The following BANK1 variants were observed in gnomAD, a reference collection of about 807,000 sequenced individuals.
BANK1 encodes the protein B-cell scaffold protein with ankyrin repeats.
Under a neutral mutation model 94.5 loss-of-function variants are expected in BANK1, and 95 were observed. The ratio of observed to expected loss-of-function variants is 1.00; its 90% CI spans 0.85 to 1.19. The LOEUF (loss-of-function observed/expected upper bound fraction) is 1.19, where lower values mean the gene tolerates loss of function less well. Among genes scored for constraint, BANK1 ranks in the 50% most tolerant of loss-of-function variants. The pLI is 0.00. For synonymous variants in BANK1, 334 were observed against 308.4 expected (o/e 1.08, Z -0.87); for missense variants, 987 against 932.2 (o/e 1.06, Z -0.77).
Position 101,817,872 on chromosome 4 carries a change from T to C in BANK1, c.71-11936T>C, listed in dbSNP as rs546232836. On this transcript the variant is annotated intron_variant, in intron 1 of 16. Coordinates refer to ENST00000322953, the MANE Select transcript of BANK1 (RefSeq NM_017935.5). ...TTTTTTTTTAGCTCATCAGCTGTCA[T>C]TAGTGTATTTTATATGTGGCCCGAG... 1.1e-4 allele frequency among the ~76,000 whole-genome samples: 16 copies of C among 152,008 alleles called. No individual in the cohort carries two copies. In the East Asian group the frequency reaches 3.1e-3, roughly 29 times the overall value.
chr4:101,794,922 G>A (rs1725103302), intron 1 of BANK1, among the ~76,000 whole-genome samples: 1 of 151,962 alleles, frequency 6.6e-6, no homozygotes, highest in Admixed American at 6.6e-5. Flanking sequence ...TCATATCTTT[G>A]TTTCTTCTAA....
At chr4:101,914,573 C>T (rs1722770452) in intron 6 of BANK1, among the ~76,000 whole-genome samples, 1 of 152,124 alleles carries the variant, frequency 6.6e-6, no homozygotes, top group Admixed American at 6.6e-5. Context: ...CAATGCTGAA[C>T]CTTTGCTCCT....
intron 3 of BANK1, 43 bp downstream of exon 3, chr4:101,855,232 A>AT: frequency 6.4e-7 from 1 of 1,565,740 alleles, no homozygotes; most frequent in Non-Finnish European, 8.7e-7. Flanking sequence ...CCATTGTGTT[A>AT]TGGTGGTGGT....
At chr4:101,832,143 A>G (rs545967050) in intron 2 of BANK1, among the ~76,000 whole-genome samples, 58 of 152,314 alleles carry the variant, frequency 3.8e-4, no homozygotes, top group Non-Finnish European at 6.3e-4. Flanking sequence ...TTGTCTGAGG[A>G]CAGTATTGCT....
At chr4:101,897,030 A>G (rs1722106699) in intron 6 of BANK1, among the ~76,000 whole-genome samples, 1 of 151,960 alleles carries the variant, frequency 6.6e-6, no homozygotes, top group Admixed American at 6.6e-5. Context: ...GGTTAGTTCT[A>G]TTTGGAAATT....
At chr4:102,012,313 T>C (rs1016675430) in intron 7 of BANK1, among the ~76,000 whole-genome samples, 8 of 152,314 alleles carry the variant, frequency 5.3e-5, no homozygotes, top group African/African-American at 1.9e-4. Context: ...AAATTGTATT[T>C]ATTTTCCCAC....
At chr4:102,072,448 C>G (rs374285883) in intron 15 of BANK1, 48 bp downstream of exon 15, 1 of 1,402,766 alleles carries the variant, frequency 7.1e-7, no homozygotes, top group South Asian at 1.2e-5. Context: ...GAAATAACTT[C>G]GTTAAAAAAG....
chr4:101,879,535 T>C (rs1446002049), intron 5 of BANK1, among the ~76,000 whole-genome samples: 2 of 151,992 alleles, frequency 1.3e-5, no homozygotes, highest in Non-Finnish European at 2.9e-5. Context: ...GGTTGAATAC[T>C]AATCCTAATC....
chr4:101,899,270 T>G (rs537260552), intron 6 of BANK1, among the ~76,000 whole-genome samples: 1 of 152,146 alleles, frequency 6.6e-6, no homozygotes, highest in Non-Finnish European at 1.5e-5. Flanking sequence ...CATCATTAAG[T>G]AAACACACTA....
chr4:101,909,247 A>G (rs1270984619), intron 6 of BANK1, among the ~76,000 whole-genome samples: 1 of 152,198 alleles, frequency 6.6e-6, no homozygotes, highest in Admixed American at 6.5e-5. Flanking sequence ...TTGTAGGGAC[A>G]TGGATGAAGC....
intron 13 of BANK1, among the ~76,000 whole-genome samples, chr4:102,065,705 G>GA (rs1042280374): frequency 2.2e-4 from 33 of 147,736 alleles, no homozygotes; most frequent in South Asian, 1.1e-3. Flanking sequence ...AATCTCAGCA[G>GA]AAAAAAAAAT....
rs1333796191 is a variant in BANK1, at chr4:102,006,885, A to G, written c.1207-14629A>G. On this transcript the variant is annotated intron_variant, in intron 7 of 16. Coordinates refer to ENST00000322953, the MANE Select transcript of BANK1 (RefSeq NM_017935.5). ...ACTGGAATCATGCCACATGTGTCTC[A>G]TCAATCTACAGTGTGGATGGCAATG... Among the ~76,000 whole-genome samples, 3 of 150,590 alleles carry G rather than the reference A, an allele frequency of 2.0e-5. No individual in the cohort carries two copies. The East Asian group carries it at 5.8e-4, about 29-fold the overall frequency.
chr4:101,855,293 G>T, intron 3 of BANK1, 104 bp downstream of exon 3: 2 of 1,134,906 alleles, frequency 1.8e-6, no homozygotes, highest in Non-Finnish European at 2.4e-6. Flanking sequence ...TGCCCAGGCT[G>T]GTCTTTAACT....
chr4:102,057,416 A>G (rs998056782), intron 11 of BANK1, among the ~76,000 whole-genome samples: 2 of 148,306 alleles, frequency 1.3e-5, no homozygotes. Context: ...GCTGGAATTC[A>G]GTGGCGATCT....
intron 7 of BANK1, among the ~76,000 whole-genome samples, chr4:101,961,882 A>T (rs1724581861): frequency 6.6e-6 from 1 of 152,164 alleles, no homozygotes; most frequent in South Asian, 2.1e-4. Context: ...TGTTATATTG[A>T]AGTGTTTACT....
chr4:101,983,703 T>C (rs1725391765), intron 7 of BANK1, among the ~76,000 whole-genome samples: 1 of 152,014 alleles, frequency 6.6e-6, no homozygotes, highest in Admixed American at 6.6e-5. Flanking sequence ...TCACAAAGGA[T>C]TTTTTGGAAG....
chr4:102,007,119 A>T (rs866642482), intron 7 of BANK1, among the ~76,000 whole-genome samples: 8 of 39,680 alleles, frequency 2.0e-4, no homozygotes, highest in African/African-American at 5.6e-4. Flanking sequence ...ATAAATATAT[A>T]TTTTATATAT....
chr4:102,067,467 G>A (rs1728631298), intron 13 of BANK1, among the ~76,000 whole-genome samples: 1 of 151,878 alleles, frequency 6.6e-6, no homozygotes, highest in Admixed American at 6.6e-5. Context: ...ATGGTAAAAG[G>A]TTCCTATGAC....
chr4:102,001,226 C>A (rs1456358296), intron 7 of BANK1, among the ~76,000 whole-genome samples: 1 of 152,172 alleles, frequency 6.6e-6, no homozygotes, highest in Admixed American at 6.5e-5. Context: ...GTAATTTGAG[C>A]AAAATCTTAG....
Sources: allele counts gnomAD v4.1 joint callset (sites outside exome capture counted in the v4.1 genomes callset), GRCh38; gene constraint gnomAD v4.1.1; transcripts MANE v1.5; gene names NCBI Gene and HGNC (gene_info 2026-07-23, HGNC 2026-07-21).